LRRTM4: variants seen among roughly 807,000 people sequenced by gnomAD.
LRRTM4 encodes leucine-rich repeat transmembrane neuronal protein 4.
In LRRTM4, 25 loss-of-function variants were observed where a neutral mutation model predicts 47.6. The observed-to-expected ratio is 0.53, with a 90% CI of 0.38 to 0.73. The LOEUF (loss-of-function observed/expected upper bound fraction) is 0.73. Among genes scored for constraint, LRRTM4 ranks in the 30% least tolerant of loss-of-function variants. LRRTM4 has a pLI of 0.00. For synonymous variants in LRRTM4, 311 were observed against 269.5 expected (o/e 1.15, Z -1.51); for missense variants, 638 against 713.4 (o/e 0.89, Z 1.20).
chr2:77,014,855 A>G (rs1678002643), intron 3 of LRRTM4, among the ~76,000 whole-genome samples: 1 of 152,090 alleles, frequency 6.6e-6, no homozygotes, highest in Non-Finnish European at 1.5e-5. Context: ...ACAAAACATA[A>G]GGATTATATA....
chr2:77,359,663 A>G (rs1672103421), intron 3 of LRRTM4, among the ~76,000 whole-genome samples: 1 of 152,222 alleles, frequency 6.6e-6, no homozygotes, highest in South Asian at 2.1e-4. Flanking sequence ...TGAGATTTTG[A>G]GTCACACATT....
At chr2:76,996,708 A>G (rs902676695) in intron 3 of LRRTM4, among the ~76,000 whole-genome samples, 1 of 152,138 alleles carries the variant, frequency 6.6e-6, no homozygotes, top group Non-Finnish European at 1.5e-5. Flanking sequence ...AATCTTTAGG[A>G]GCAAATGCAC....
intron 3 of LRRTM4, among the ~76,000 whole-genome samples, chr2:76,794,464 T>TTTTC (rs1375972921): frequency 3.3e-5 from 5 of 152,150 alleles, no homozygotes; most frequent in Non-Finnish European, 7.4e-5. Context: ...AACAATAGTT[T>TTTTC]TTTCTTTCTT....
chr2:76,830,667 T>C (rs903698073), intron 3 of LRRTM4, among the ~76,000 whole-genome samples: 7 of 151,960 alleles, frequency 4.6e-5, no homozygotes, highest in African/African-American at 1.7e-4. Context: ...TGTCTCAAAA[T>C]TTTAAATTAC....
intron 3 of LRRTM4, among the ~76,000 whole-genome samples, chr2:77,340,295 C>T (rs1234629942): frequency 6.6e-6 from 1 of 151,698 alleles, no homozygotes; most frequent in Non-Finnish European, 1.5e-5. Flanking sequence ...TTTATGAGTT[C>T]ACAGATCTTG....
intron 3 of LRRTM4, among the ~76,000 whole-genome samples, chr2:77,338,938 T>C (rs1237231901): frequency 3.3e-5 from 5 of 151,998 alleles, no homozygotes; most frequent in Non-Finnish European, 7.4e-5. Context: ...AACAAAATTA[T>C]GTCCTTTGCA....
At chr2:77,110,896 T>C (rs1050180753) in intron 3 of LRRTM4, among the ~76,000 whole-genome samples, 2 of 152,206 alleles carry the variant, frequency 1.3e-5, no homozygotes, top group Admixed American at 6.5e-5. Context: ...TTGCCTTCTG[T>C]ACTTGGCAAT....
chr2:77,447,080 C>T (rs1374364107), intron 3 of LRRTM4, among the ~76,000 whole-genome samples: 1 of 151,900 alleles, frequency 6.6e-6, no homozygotes, highest in Non-Finnish European at 1.5e-5. Context: ...GGAATGGGGT[C>T]GTTATTGCAT....
chr2:77,448,887 T>C (rs1368600847), intron 3 of LRRTM4, among the ~76,000 whole-genome samples: 2 of 152,232 alleles, frequency 1.3e-5, no homozygotes, highest in Non-Finnish European at 2.9e-5. Context: ...ATCATTCACA[T>C]GATATTTGTG....
At chr2:77,391,411 C>T (rs1673500194) in intron 3 of LRRTM4, among the ~76,000 whole-genome samples, 1 of 151,918 alleles carries the variant, frequency 6.6e-6, no homozygotes, top group South Asian at 2.1e-4. Context: ...ATTAAAAATG[C>T]ATTGTTTTAT....
chr2:77,056,097 G>A (rs1196602925), intron 3 of LRRTM4, among the ~76,000 whole-genome samples: 2 of 150,124 alleles, frequency 1.3e-5, no homozygotes, highest in African/African-American at 2.5e-5. Context: ...GCTAAATGAC[G>A]AGTTAATGGG....
At chr2:77,333,191 G>A (rs1001740606) in intron 3 of LRRTM4, among the ~76,000 whole-genome samples, 1 of 152,164 alleles carries the variant, frequency 6.6e-6, no homozygotes, top group Non-Finnish European at 1.5e-5. Context: ...CCAGTCTTTG[G>A]CATGTCTTAA....
rs146883940 is a variant in LRRTM4, at chr2:76,977,269, AT to A, written c.1552-228354del. Among the ~76,000 whole-genome samples, 1,183 of 146,316 alleles carry A rather than the reference AT, an allele frequency of 8.1e-3. 3 individuals are homozygous for A. The highest frequency in any genetic ancestry group is 0.012 in the Non-Finnish European group (819 of 66,178). On this transcript the variant is annotated intron_variant, in intron 3 of 3. Transcript: ENST00000409884. Reference sequence around the variant, plus strand: ...CTGATTTTCTGTACACTTCCCCCTAATTTTTTTTTTTCATATTTGAAATGTT... The same window carrying A: ...CTGATTTTCTGTACACTTCCCCCTAATTTTTTTTTTCATATTTGAAATGTT...
intron 3 of LRRTM4, among the ~76,000 whole-genome samples, chr2:76,789,592 G>C (rs1674863643): frequency 6.6e-6 from 1 of 152,094 alleles, no homozygotes; most frequent in African/African-American, 2.4e-5. Flanking sequence ...TTGTTTGTTT[G>C]TTTACTTAGT....
intron 3 of LRRTM4, among the ~76,000 whole-genome samples, chr2:76,995,688 G>C (rs1476798744): frequency 1.3e-5 from 2 of 151,952 alleles, no homozygotes; most frequent in South Asian, 2.1e-4. Context: ...CACACAACTG[G>C]GACCAAGGTA....
chr2:77,477,248 A>G (rs929281616), intron 3 of LRRTM4, among the ~76,000 whole-genome samples: 26 of 152,146 alleles, frequency 1.7e-4, no homozygotes, highest in African/African-American at 5.5e-4. Flanking sequence ...GTAAAAGTAC[A>G]TACTGAGTGA....
intron 3 of LRRTM4, among the ~76,000 whole-genome samples, chr2:77,286,974 G>C (rs571622497): frequency 6.6e-6 from 1 of 151,994 alleles, no homozygotes; most frequent in East Asian, 1.9e-4. Flanking sequence ...GTCTGGGAGA[G>C]TACAATTGCT....
At chr2:77,517,085 G>A in intron 3 of LRRTM4, 1 of 984,980 alleles carries the variant, frequency 1.0e-6, no homozygotes, top group Non-Finnish European at 1.2e-6. Flanking sequence ...CCAGCAACAA[G>A]GCCTTAGTAG....
At chr2:77,479,579 C>T (rs72811268) in intron 3 of LRRTM4, among the ~76,000 whole-genome samples, 28,780 of 152,124 alleles carry the variant, frequency 0.19, 3,088 homozygotes, top group Non-Finnish European at 0.25. Flanking sequence ...ATGTGACCCA[C>T]GGGAGGTACA....
Sources: gnomAD v4.1 joint callset for allele counts (sites outside exome capture counted in the v4.1 genomes callset) on GRCh38, gnomAD v4.1.1 for gene constraint, MANE v1.5 for transcripts, NCBI Gene and HGNC (gene_info 2026-07-23, HGNC 2026-07-21) for gene names.